Variants in KLK2 observed in about 807,000 individuals in gnomAD.
The protein encoded by KLK2 is kallikrein-2.
In KLK2, 17 loss-of-function variants were observed where a neutral mutation model predicts 23.0. The observed-to-expected ratio is 0.74, with a 90% CI of 0.51 to 1.11. KLK2 has a LOEUF of 1.11. Ranked by LOEUF, KLK2 falls within the 50% of genes least tolerant of loss-of-function variation. KLK2 has a pLI of 0.00. For synonymous variants in KLK2, 140 were observed against 124.7 expected, an observed-to-expected ratio of 1.12 and a Z score of -0.82; for missense variants, 330 against 325.9, an observed-to-expected ratio of 1.01 and a Z score of -0.10.
Position 50,879,854 on chromosome 19 carries a change from G to A in KLK2, c.*1295G>A, listed in dbSNP as rs169178. ...ATGTCATCTCCCAGGAGTTATTCAA[G>A]GGTGAGCCCTTTACTTGGGATGTAC... On this transcript the variant is annotated 3_prime_UTR_variant, in exon 5 of 5. Transcript: ENST00000325321. 0.054 allele frequency: 12,397 copies of A among 229,966 alleles called. 1,224 individuals are homozygous for A. Among genetic ancestry groups the A allele is most frequent in the African/African-American group, 0.23 (10,535 of 45,200 alleles). The allele number at this position is 229,966 out of a possible 1,614,324, so 14.2% of individuals were successfully genotyped here. A position where few individuals can be genotyped will look rare whatever the true frequency, so the allele number is the denominator to read the frequency against.
chr19:50,879,716 G>A lies in KLK2; in HGVS notation c.*1157G>A, dbSNP rs1359444557. The stretch of plus-strand genomic sequence containing the variant: ...AGATACAGCATGGTCCAGAGTCCCA[G>A]ATGTACAAAAACAGGGATTCATCAC... On this transcript the variant is annotated 3_prime_UTR_variant, in exon 5 of 5. Coordinates refer to ENST00000325321, the MANE Select transcript of KLK2 (RefSeq NM_005551.5). 1 of 229,764 alleles carries A rather than the reference G, an allele frequency of 4.4e-6. No homozygotes were observed. Among genetic ancestry groups the A allele is most frequent in the Non-Finnish European group, 8.6e-6 (1 of 115,982 alleles). 14.2% of individuals were successfully genotyped at this position (229,764 alleles called of 1,614,324 possible).
Sources: gnomAD v4.1 joint callset for allele counts on GRCh38, gnomAD v4.1.1 for gene constraint, MANE v1.5 for transcripts, NCBI Gene and HGNC (gene_info 2026-07-23, HGNC 2026-07-21) for gene names.